Variants in EFHD1 observed in about 807,000 individuals in gnomAD.
EFHD1 encodes the protein EF-hand domain-containing protein D1.
In EFHD1, 10 loss-of-function variants were observed where a neutral mutation model predicts 17.2. The observed-to-expected ratio is 0.58, with a 90% CI of 0.36 to 0.99. The LOEUF (loss-of-function observed/expected upper bound fraction) is 0.99. EFHD1 is among the 50% of genes least tolerant of loss of function. The pLI, the probability that EFHD1 is intolerant of heterozygous loss-of-function variation, is 0.01. For missense variants in EFHD1, 310 were observed against 327.5 expected, an observed-to-expected ratio of 0.95 and a Z score of 0.41; for synonymous variants, 153 against 142.0, an observed-to-expected ratio of 1.08 and a Z score of -0.55.
rs375472031 is a variant in EFHD1 at position 232,681,433 on chromosome 2, C to T, written c.586-152C>T. 1.4e-4 allele frequency: 154 copies of T among 1,122,512 alleles called. 1 individual carries two copies. Among genetic ancestry groups the T allele is most frequent in the South Asian group, 3.5e-4 (22 of 63,020 alleles). The allele number at this position is 1,122,512 out of a possible 1,614,324, so 69.5% of individuals were successfully genotyped here. A position where few individuals can be genotyped will look rare whatever the true frequency, so the allele number is the denominator to read the frequency against. ...CAGAAAGCAACTTCTGAAGGCCACA[C>T]GGAAAGAGTGCTTGCTGGGGTCCTG... On this transcript the variant is annotated intron_variant, in intron 3 of 3. Transcript: ENST00000264059.
chr2:232,628,052 T>C lies in EFHD1; in HGVS notation c.14+21879T>C, dbSNP rs543308915. ...CAAAATGAAGTGCTTAACAATGTTT[T>C]ATTTATTTACATTTATTTATTTATT... is the stretch of plus-strand genomic sequence containing the variant. On this transcript the variant is annotated intron_variant, in intron 1 of 3. Coordinates refer to the EFHD1 transcript ENST00000409613. Among the ~76,000 whole-genome samples the C allele has an allele frequency of 1.6e-3, 249 of 152,302 alleles. 3 individuals carry two copies. Among genetic ancestry groups the C allele is most frequent in the Non-Finnish European group, 2.6e-3 (179 of 68,030 alleles).
At position 232,682,069 on chromosome 2, in the gene EFHD1, T is replaced by G. The variant is rs1396654695; in HGVS notation, c.*350T>G. On this transcript the variant is annotated 3_prime_UTR_variant, in exon 4 of 4. Coordinates refer to ENST00000264059, the MANE Select transcript of EFHD1 (RefSeq NM_025202.4). ...TCAATTTGTGTAGATATGTCTGTCT[T>G]TTTGGGTCCTCAGAGAAAATGCCCA... 1 of 184,348 alleles carries G rather than the reference T, an allele frequency of 5.4e-6. No homozygotes were observed. Among genetic ancestry groups the G allele is most frequent in the African/African-American group, 2.4e-5 (1 of 42,320 alleles). 11.4% of individuals were successfully genotyped at this position (184,348 alleles called of 1,614,324 possible).
intron 1 of EFHD1, among the ~76,000 whole-genome samples, chr2:232,647,338 T>C (rs1444721668): frequency 2.6e-5 from 4 of 152,358 alleles, no homozygotes; most frequent in South Asian, 2.1e-4. Flanking sequence ...CTTGGGGTGA[T>C]GGCCTGGCGC....
chr2:232,641,401 C>A (rs1293863542), intron 1 of EFHD1, among the ~76,000 whole-genome samples: 1 of 152,136 alleles, frequency 6.6e-6, no homozygotes, highest in Non-Finnish European at 1.5e-5. Context: ...TCTGGAGTTT[C>A]ACTGGAAGGG....
intron 2 of EFHD1, among the ~76,000 whole-genome samples, chr2:232,667,339 G>T (rs1259264923): frequency 6.6e-6 from 1 of 152,038 alleles, no homozygotes. Context: ...CTCCGGATTG[G>T]CTCTGCAGAT....
At chr2:232,625,002 A>G (rs1694081811) in intron 1 of EFHD1, among the ~76,000 whole-genome samples, 1 of 152,052 alleles carries the variant, frequency 6.6e-6, no homozygotes, top group African/African-American at 2.4e-5. Flanking sequence ...TTTCTGACTT[A>G]TTTTTATCTT....
At chr2:232,668,567 C>T (rs1261293924) in intron 2 of EFHD1, among the ~76,000 whole-genome samples, 1 of 152,186 alleles carries the variant, frequency 6.6e-6, no homozygotes, top group African/African-American at 2.4e-5. Flanking sequence ...CTGAGGTCAC[C>T]TGGGTGGGCA....
chr2:232,644,605 C>T (rs897990401), intron 1 of EFHD1, among the ~76,000 whole-genome samples: 15 of 151,708 alleles, frequency 9.9e-5, no homozygotes, highest in East Asian at 1.9e-4. Context: ...CTCCGCCTCC[C>T]GGGTTCAAGC....
intron 1 of EFHD1, among the ~76,000 whole-genome samples, chr2:232,607,862 G>A (rs2106179129): frequency 6.6e-6 from 1 of 151,844 alleles, no homozygotes; most frequent in South Asian, 2.1e-4. Context: ...GAGAGGCCAA[G>A]TCGGGAGGAC....
intron 2 of EFHD1, among the ~76,000 whole-genome samples, chr2:232,667,790 T>G (rs1694995996): frequency 6.6e-6 from 1 of 152,132 alleles, no homozygotes; most frequent in African/African-American, 2.4e-5. Context: ...ACTCCTGACC[T>G]CAGGCGATCC....
intron 1 of EFHD1, among the ~76,000 whole-genome samples, chr2:232,655,749 C>G (rs1239923832): frequency 6.6e-6 from 1 of 151,566 alleles, no homozygotes; most frequent in Non-Finnish European, 1.5e-5. Context: ...GAAGGCAGCT[C>G]TTTGCCAGAT....
intron 1 of EFHD1, among the ~76,000 whole-genome samples, chr2:232,657,844 T>C (rs1694789916): frequency 6.7e-6 from 1 of 148,766 alleles, no homozygotes. Context: ...GTGTCCAGAC[T>C]CCATTGGATC....
chr2:232,666,486 T>C (rs1694968231), intron 2 of EFHD1, among the ~76,000 whole-genome samples: 1 of 152,212 alleles, frequency 6.6e-6, no homozygotes, highest in African/African-American at 2.4e-5. Context: ...AGAGGGTGTT[T>C]CGTGGCTTGC....
intron 1 of EFHD1, among the ~76,000 whole-genome samples, chr2:232,637,072 A>G (rs993993100): frequency 6.6e-6 from 1 of 152,134 alleles, no homozygotes; most frequent in African/African-American, 2.4e-5. Flanking sequence ...CCTGAATGAA[A>G]TGCCACAAAG....
intron 1 of EFHD1, among the ~76,000 whole-genome samples, chr2:232,643,062 CTG>C (rs781345462): frequency 6.6e-6 from 1 of 152,166 alleles, no homozygotes; most frequent in Non-Finnish European, 1.5e-5. Context: ...CTGCCACCCT[CTG>C]TGCTGGCGTC....
chr2:232,678,395 CA>C (rs1406979129), intron 3 of EFHD1, among the ~76,000 whole-genome samples: 2 of 152,114 alleles, frequency 1.3e-5, no homozygotes, highest in African/African-American at 4.8e-5. Context: ...AGAAAAAAGT[CA>C]TTTAAATTAA....
chr2:232,633,860 C>G lies in EFHD1; in HGVS notation c.156C>G (p.Asp52Glu). The part of the protein sequence containing the change: ...PPARAPTASA[D>E]AELSAQLSRR... ...CCCGTGCGCCCACGGCCAGCGCCGA[C>G]GCGGAGCTGAGCGCCCAGCTGAGCC... The change falls in exon 1 of 4, where the codon GAC becomes GAG. Residue 52 changes from aspartate to glutamate, a missense_variant. By Grantham distance (45) the Asp-to-Glu change is conservative. Coordinates refer to ENST00000264059, the MANE Select transcript of EFHD1 (RefSeq NM_025202.4). 6.6e-7 allele frequency: 1 copy of G among 1,513,442 alleles called. No homozygotes were observed. The highest frequency in any genetic ancestry group is 2.7e-5 in the East Asian group (1 of 36,860). 93.8% of individuals were successfully genotyped at this position (1,513,442 alleles called of 1,614,324 possible).
At chr2:232,620,489 G>A (rs892605901) in intron 1 of EFHD1, among the ~76,000 whole-genome samples, 1 of 151,224 alleles carries the variant, frequency 6.6e-6, no homozygotes, top group Non-Finnish European at 1.5e-5. Flanking sequence ...GTGCTTAAGC[G>A]ATCCTCCTGC....
chr2:232,653,396 T>C (rs1264180530), intron 1 of EFHD1, among the ~76,000 whole-genome samples: 3 of 152,132 alleles, frequency 2.0e-5, no homozygotes, highest in Non-Finnish European at 4.4e-5. Flanking sequence ...GTTCAAGCAA[T>C]TCTGCTGCCT....
Sources: gnomAD v4.1 joint callset for allele counts (sites outside exome capture counted in the v4.1 genomes callset) on GRCh38, gnomAD v4.1.1 for gene constraint, MANE v1.5 for transcripts, NCBI Gene and HGNC (gene_info 2026-07-23, HGNC 2026-07-21) for gene names.